SNTG2: variants seen among roughly 807,000 people sequenced by gnomAD.
SNTG2 encodes the protein gamma-2-syntrophin.
In SNTG2, 74 loss-of-function variants were observed where a neutral mutation model predicts 70.9. The observed-to-expected ratio is 1.04, with a 90% confidence interval of 0.86 to 1.27. SNTG2 has a LOEUF of 1.27. Among genes scored for constraint, SNTG2 ranks in the 50% most tolerant of loss-of-function variants. SNTG2 has a pLI of 0.00. For synonymous variants in SNTG2, 278 were observed against 273.8 expected (o/e 1.02, Z -0.15); for missense variants, 717 against 690.7 (o/e 1.04, Z -0.43).
chr2:1,075,233 T>A (rs1445241065), intron 1 of SNTG2, among the ~76,000 whole-genome samples: 1 of 152,224 alleles, frequency 6.6e-6, no homozygotes, highest in Non-Finnish European at 1.5e-5. Context: ...CAGCCTGTCC[T>A]AGGCACTGTT....
chr2:981,171 T>G (rs952265611), intron 1 of SNTG2, among the ~76,000 whole-genome samples: 1 of 152,196 alleles, frequency 6.6e-6, no homozygotes, highest in Non-Finnish European at 1.5e-5. Context: ...GGTGTTTGTA[T>G]CTAACAGGAG....
intron 7 of SNTG2, among the ~76,000 whole-genome samples, chr2:1,166,744 C>T (rs1572624699): frequency 6.6e-6 from 1 of 152,196 alleles, no homozygotes; most frequent in East Asian, 1.9e-4. Flanking sequence ...CCCTGGCCTA[C>T]CACGCCCCCA....
At position 1,267,550 on chromosome 2, in the gene SNTG2, C is replaced by G; in HGVS notation, c.1263C>G (p.Phe421Leu). Residue 421 changes from phenylalanine to leucine, a missense_variant, in exon 14 of 17, where the codon TTC becomes TTG. Coordinates refer to ENST00000308624, the MANE Select transcript of SNTG2 (RefSeq NM_018968.4). ...MWEKSFQRAT[F>L]MEVQRTGSRT... ...AGAAGTCCTTCCAAAGAGCCACGTT[C>G]ATGGAAGTTCAGAGAACCGGGGTAA... 4 of 1,613,092 alleles carry G rather than the reference C, an allele frequency of 2.5e-6. No homozygotes were observed. The highest frequency in any genetic ancestry group is 1.1e-5 in the South Asian group (1 of 91,020).
chr2:1,024,449 A>G (rs1660364974), intron 1 of SNTG2, among the ~76,000 whole-genome samples: 1 of 152,200 alleles, frequency 6.6e-6, no homozygotes, highest in African/African-American at 2.4e-5. Flanking sequence ...GGCTCACTGT[A>G]GCCTTGGCCA....
chr2:1,237,808 G>A, intron 9 of SNTG2, 80 bp from the exon 10 acceptor site: 6 of 1,513,230 alleles, frequency 4.0e-6, no homozygotes, highest in Non-Finnish European at 5.3e-6. Flanking sequence ...GAGCCCTGCT[G>A]AGCATCAGCC....
chr2:1,283,639 C>A (rs927463619), intron 14 of SNTG2, among the ~76,000 whole-genome samples: 2 of 152,138 alleles, frequency 1.3e-5, no homozygotes, highest in African/African-American at 4.8e-5. Context: ...GATGCCCTCT[C>A]CTCACCACAG....
intron 6 of SNTG2, among the ~76,000 whole-genome samples, chr2:1,138,308 G>A: frequency 6.6e-6 from 1 of 152,194 alleles, no homozygotes; most frequent in Non-Finnish European, 1.5e-5. Flanking sequence ...AAGATGGTGG[G>A]GGTCAGGATG....
intron 12 of SNTG2, among the ~76,000 whole-genome samples, chr2:1,255,885 A>AATATATAAATATATATAAAT (rs1558602771): frequency 2.8e-4 from 25 of 90,480 alleles, no homozygotes; most frequent in Admixed American, 6.1e-4. Flanking sequence ...TATATATATA[A>AATATATAAATATATATAAAT]ATATATATAA....
At chr2:981,982 A>G (rs1336403328) in intron 1 of SNTG2, among the ~76,000 whole-genome samples, 1 of 152,088 alleles carries the variant, frequency 6.6e-6, no homozygotes, top group Non-Finnish European at 1.5e-5. Context: ...GCACACTCAC[A>G]TGCACTTGTG....
At chr2:1,079,842 T>C (rs1287323188) in intron 1 of SNTG2, among the ~76,000 whole-genome samples, 1 of 152,222 alleles carries the variant, frequency 6.6e-6, no homozygotes, top group East Asian at 1.9e-4. Context: ...AGATATAACA[T>C]CGATCAATAT....
At chr2:1,355,662 C>G (rs919593809) in intron 16 of SNTG2, among the ~76,000 whole-genome samples, 3 of 152,168 alleles carry the variant, frequency 2.0e-5, no homozygotes, top group Non-Finnish European at 2.9e-5. Context: ...GTGCAGGTCT[C>G]TCTTGGAGAT....
Position 1,309,731 on chromosome 2 carries a change from A to G in SNTG2, c.1377+1145A>G, listed in dbSNP as rs150181386. 2.5e-3 allele frequency among the ~76,000 whole-genome samples: 382 copies of G among 152,368 alleles called. 1 individual carries two copies. Among genetic ancestry groups the G allele is most frequent in the African/African-American group, 8.5e-3 (353 of 41,594 alleles). ...GTCATTGTTCCCCTCCAGGGCACAT[A>G]CCATGTTTGCAATGACAATAGCACA... On this transcript the variant is annotated intron_variant, in intron 15 of 16. Transcript: ENST00000308624.
At chr2:1,016,908 G>A (rs1172926389) in intron 1 of SNTG2, among the ~76,000 whole-genome samples, 1 of 152,176 alleles carries the variant, frequency 6.6e-6, no homozygotes, top group Admixed American at 6.5e-5. Flanking sequence ...ATGGTGGGTG[G>A]TCTCTTATCA....
chr2:1,254,376 A>G (rs1294914374), intron 12 of SNTG2, among the ~76,000 whole-genome samples: 2 of 152,346 alleles, frequency 1.3e-5, no homozygotes, highest in East Asian at 3.9e-4. Context: ...GTACATTAGA[A>G]TCTGAAAGAT....
intron 16 of SNTG2, among the ~76,000 whole-genome samples, chr2:1,355,597 T>A (rs1660807104): frequency 6.6e-6 from 1 of 152,192 alleles, no homozygotes; most frequent in Non-Finnish European, 1.5e-5. Context: ...TTGACTGATG[T>A]TTAGGCTGTT....
chr2:1,026,651 A>C (rs895087325), intron 1 of SNTG2, among the ~76,000 whole-genome samples: 17 of 152,166 alleles, frequency 1.1e-4, no homozygotes, highest in Non-Finnish European at 2.4e-4. Flanking sequence ...CATTCTCCCG[A>C]GTAGCCTTGT....
At chr2:1,166,573 A>G (rs1335002713) in intron 7 of SNTG2, among the ~76,000 whole-genome samples, 1 of 152,050 alleles carries the variant, frequency 6.6e-6, no homozygotes, top group Non-Finnish European at 1.5e-5. Flanking sequence ...AGTTCTGATC[A>G]TGCATTGGGT....
intron 1 of SNTG2, among the ~76,000 whole-genome samples, chr2:1,080,081 C>T (rs1664183875): frequency 6.6e-6 from 1 of 152,114 alleles, no homozygotes; most frequent in Non-Finnish European, 1.5e-5. Context: ...CCCCACGGGT[C>T]CCCCAGGGCG....
At chr2:1,311,132 C>T (rs976236480) in intron 15 of SNTG2, among the ~76,000 whole-genome samples, 6 of 152,208 alleles carry the variant, frequency 3.9e-5, no homozygotes, top group Admixed American at 3.3e-4. Context: ...TTTTCACCTC[C>T]TCAGCTGAGG....
Sources: gnomAD v4.1 joint callset for allele counts (sites outside exome capture counted in the v4.1 genomes callset) on GRCh38, gnomAD v4.1.1 for gene constraint, MANE v1.5 for transcripts, NCBI Gene and HGNC (gene_info 2026-07-23, HGNC 2026-07-21) for gene names.